ATP1A4: variants seen among roughly 807,000 people sequenced by gnomAD.
ATP1A4 encodes ATPase Na+/K+ transporting subunit alpha 4, also known as sodium/potassium-transporting ATPase subunit alpha-4.
In ATP1A4, 90 loss-of-function variants were observed where a neutral mutation model predicts 114.3. That is an observed-to-expected ratio of 0.79 (90% CI 0.66 to 0.94). The LOEUF (loss-of-function observed/expected upper bound fraction) is 0.94. ATP1A4 is among the 40% of genes least tolerant of loss of function. The pLI is 0.00. For missense variants in ATP1A4, 1,222 were observed against 1,313.6 expected (o/e 0.93, Z 1.08); for synonymous variants, 511 against 494.1 (o/e 1.03, Z -0.45).
intron 19 of ATP1A4, 48 bp from the exon 20 acceptor site, chr1:160,181,881 CT>C: frequency 1.2e-6 from 2 of 1,613,874 alleles, no homozygotes; most frequent in Non-Finnish European, 1.7e-6. Context: ...CCATTTCCCC[CT>C]GCCTTTTCTT....
rs1653041676 is a variant in ATP1A4 at position 160,166,551 on chromosome 1, G to A, written c.1071G>A (p.Lys357=). 2 of 1,614,122 alleles carry A rather than the reference G, an allele frequency of 1.2e-6. No homozygotes were observed. Among genetic ancestry groups the A allele is most frequent in the Admixed American group, 3.3e-5 (2 of 60,010 alleles). Residue 357 remains lysine, a synonymous_variant, in exon 8 of 22, where the codon AAG becomes AAA. Coordinates refer to ENST00000368081, the MANE Select transcript of ATP1A4 (RefSeq NM_144699.4). ...AGGTGTGCCTGACCCTCACAGCCAAGCGCATGGCGCGGAAGAACTGCCTGG... is the reference window on the plus strand; with the variant it reads ...AGGTGTGCCTGACCCTCACAGCCAAACGCATGGCGCGGAAGAACTGCCTGG... The part of the protein sequence containing the change: ...TVTVCLTLTA[K]RMARKNCLVK...
chr1:160,173,466 G>C (rs1225978510), intron 12 of ATP1A4, 115 bp from the exon 13 acceptor site: 4 of 1,425,078 alleles, frequency 2.8e-6, no homozygotes, highest in Non-Finnish European at 3.8e-6. Flanking sequence ...TTGGGAATGA[G>C]CGACTAAAAC....
In ATP1A4 at chr1:160,186,285, G is replaced by C. The variant is rs749606904; in HGVS notation, c.2979G>C (p.Trp993Cys). The C allele has an allele frequency of 1.2e-6, 2 of 1,612,196 alleles. No individual in the cohort carries two copies. The highest frequency in any genetic ancestry group is 1.7e-6 in the Non-Finnish European group (2 of 1,179,018). ...ALRMYPLKITWWLCAIPYSIL... is the reference protein window; with the variant it reads ...ALRMYPLKITCWLCAIPYSIL... The stretch of plus-strand genomic sequence containing the variant: ...CTCTTGCTCTCTACAGGATAACCTG[G>C]TGGCTCTGTGCCATTCCCTACAGTA... The change falls in exon 21 of 22, where the codon TGG (tryptophan) becomes TGC (cysteine). Residue 993 changes from tryptophan to cysteine, a missense_variant. Trp to Cys is a radical substitution (Grantham distance 215). Transcript: ENST00000368081.
At chr1:160,184,623 T>C (rs1418542853) in intron 20 of ATP1A4, among the ~76,000 whole-genome samples, 1 of 152,190 alleles carries the variant, frequency 6.6e-6, no homozygotes. Flanking sequence ...TTGATATCAG[T>C]TTTTGATATA....
chr1:160,158,685 G>A (rs563526717), intron 4 of ATP1A4, among the ~76,000 whole-genome samples: 1 of 152,206 alleles, frequency 6.6e-6, no homozygotes, highest in African/African-American at 2.4e-5. Context: ...CGGCCTGAAA[G>A]CACTTTTTAA....
intron 12 of ATP1A4, among the ~76,000 whole-genome samples, chr1:160,172,854 T>C (rs990583049): frequency 6.6e-6 from 1 of 152,152 alleles, no homozygotes; most frequent in Non-Finnish European, 1.5e-5. Flanking sequence ...GTAGTGATCA[T>C]TCCTCCATTC....
At chr1:160,171,821 C>T (rs1260552381) in intron 12 of ATP1A4, 64 bp downstream of exon 12, 3 of 1,533,010 alleles carry the variant, frequency 2.0e-6, no homozygotes, top group Admixed American at 3.8e-5. Flanking sequence ...ACTAGAAGGC[C>T]TTGCGCAGAG....
chr1:160,173,446 C>G, intron 12 of ATP1A4, 135 bp from the exon 13 acceptor site: 1 of 1,303,598 alleles, frequency 7.7e-7, no homozygotes, highest in South Asian at 1.4e-5. Context: ...TTGGTCTACA[C>G]CACAAGTTCT....
chr1:160,183,194 AC>A (rs1220879761), intron 20 of ATP1A4: 1 of 152,210 alleles, frequency 6.6e-6, no homozygotes, highest in Middle Eastern at 3.2e-3. Flanking sequence ...CCTCAGCTAC[AC>A]CTGCAAAGTC....
chr1:160,153,467 G>A (rs1180762783), intron 2 of ATP1A4, among the ~76,000 whole-genome samples: 7 of 152,152 alleles, frequency 4.6e-5, no homozygotes, highest in Admixed American at 3.3e-4. Flanking sequence ...CTGGTCAAAC[G>A]TCTTGTCCTT....
Position 160,156,081 on chromosome 1 carries a change from G to T in ATP1A4, c.448G>T (p.Val150Phe). Residue 150 changes from valine to phenylalanine, a missense_variant, in exon 4 of 22, where the codon GTC becomes TTC. Physicochemically the swap from Val to Phe is conservative, Grantham distance 50 (BLOSUM62 -1). Transcript: ENST00000368081. ...CATCGTACTGTCCGTCGTGGTCATC[G>T]TCACTGGCTGCTTCTCCTATTATCA... ...LSIVLSVVVIVTGCFSYYQEA... is the reference protein window; with the variant it reads ...LSIVLSVVVIFTGCFSYYQEA... The T allele has an allele frequency of 2.5e-6, 4 of 1,613,946 alleles. No individual in the cohort carries two copies. Among genetic ancestry groups the T allele is most frequent in the Non-Finnish European group, 3.4e-6 (4 of 1,179,878 alleles).
chr1:160,152,722 T>C (rs1652500435), intron 1 of ATP1A4, among the ~76,000 whole-genome samples: 1 of 152,114 alleles, frequency 6.6e-6, no homozygotes, highest in African/African-American at 2.4e-5. Context: ...AATGTTTCAC[T>C]TTGACCAAGG....
intron 4 of ATP1A4, among the ~76,000 whole-genome samples, chr1:160,156,529 C>A (rs1002723492): frequency 2.6e-5 from 4 of 152,034 alleles, no homozygotes; most frequent in African/African-American, 9.7e-5. Context: ...AGACAAAGAA[C>A]AGCTGTGGGG....
At chr1:160,163,725 A>G (rs1433907944) in intron 6 of ATP1A4, among the ~76,000 whole-genome samples, 1 of 152,160 alleles carries the variant, frequency 6.6e-6, no homozygotes, top group Admixed American at 6.6e-5. Context: ...AATCGGTTAC[A>G]TTATTAGCCA....
rs753397559 is a variant in ATP1A4 at position 160,158,978 on chromosome 1, T to C, written c.526-24T>C. The C allele has an allele frequency of 1.9e-6, 3 of 1,601,928 alleles. No homozygotes were observed. The African/African-American group carries it at 4.0e-5, about 21-fold the overall frequency. On this transcript the variant is annotated intron_variant, in intron 4 of 21. Coordinates refer to ENST00000368081, the MANE Select transcript of ATP1A4 (RefSeq NM_144699.4). ...TGAGGAAAGCCAAAAGTTTTGGAAA[T>C]GATCCTGCACTATCCTCTCATAGCA... is the stretch of plus-strand genomic sequence containing the variant.
At chr1:160,167,587 A>T (rs978009697) in intron 10 of ATP1A4, among the ~76,000 whole-genome samples, 175 bp downstream of exon 10, 1 of 152,200 alleles carries the variant, frequency 6.6e-6, no homozygotes, top group Non-Finnish European at 1.5e-5. Context: ...ACAGGTAAAG[A>T]GAGGCGAAAC....
intron 17 of ATP1A4, among the ~76,000 whole-genome samples, 154 bp downstream of exon 17, chr1:160,176,756 G>A (rs1653479953): frequency 6.6e-6 from 1 of 152,178 alleles, no homozygotes; most frequent in Non-Finnish European, 1.5e-5. Context: ...TCTCTGATCT[G>A]TCCTTGACTT....
In ATP1A4 at chr1:160,174,151, G is replaced by C. The variant is rs761255728; in HGVS notation, c.2032G>C (p.Asp678His). 3.1e-6 allele frequency: 5 copies of C among 1,614,012 alleles called. No homozygotes were observed. The highest frequency in any genetic ancestry group is 4.2e-6 in the Non-Finnish European group (5 of 1,180,032). The part of the protein sequence containing the change: ...AIVVHGAELK[D>H]IQSKQLDQIL... The stretch of plus-strand genomic sequence containing the variant: ...TGTGGTGCATGGTGCAGAACTGAAG[G>C]ACATACAGTCCAAGCAGCTTGATCA... The change falls in exon 14 of 22, where the codon GAC (aspartate) becomes CAC (histidine). Residue 678 changes from aspartate to histidine, a missense_variant. Physicochemically the swap from Asp to His is moderately conservative, Grantham distance 81. Transcript: ENST00000368081.
At chr1:160,182,172 G>A (rs1653730557) in intron 20 of ATP1A4, 141 bp downstream of exon 20, 1 of 697,114 alleles carries the variant, frequency 1.4e-6, no homozygotes, top group Non-Finnish European at 2.6e-6. Context: ...GATACAAGGA[G>A]AGTCATCTGT....
Sources: gnomAD v4.1 joint callset for allele counts (sites outside exome capture counted in the v4.1 genomes callset) on GRCh38, gnomAD v4.1.1 for gene constraint, MANE v1.5 for transcripts, NCBI Gene and HGNC (gene_info 2026-07-23, HGNC 2026-07-21) for gene names.